Variants in CLASP1 observed in about 807,000 individuals in gnomAD.
CLASP1 encodes cytoplasmic linker associated protein 1.
A neutral mutation model predicts 192.3 loss-of-function variants in CLASP1; 38 were observed. The observed-to-expected ratio is 0.20, with a 90% CI of 0.15 to 0.26. The LOEUF (loss-of-function observed/expected upper bound fraction) is 0.26, where lower values mean the gene tolerates loss of function less well. CLASP1 is among the 10% of genes least tolerant of loss of function. The probability of loss-of-function intolerance (pLI) is 1.00; values close to 1 mark genes in which losing one functional copy is unlikely to be tolerated. For missense variants in CLASP1, 1,433 were observed against 1,932.5 expected (o/e 0.74, Z 4.85); for synonymous variants, 691 against 712.8 (o/e 0.97, Z 0.49).
chr2:121,592,475 C>G (rs1390360783), intron 2 of CLASP1, among the ~76,000 whole-genome samples: 1 of 152,122 alleles, frequency 6.6e-6, no homozygotes, highest in African/African-American at 2.4e-5. Context: ...TTTGTGATAA[C>G]TATCAAAATA....
At chr2:121,509,094 C>T (rs1372392702) in intron 7 of CLASP1, among the ~76,000 whole-genome samples, 2 of 152,188 alleles carry the variant, frequency 1.3e-5, no homozygotes, top group Admixed American at 6.5e-5. Context: ...GAAAGAGGAT[C>T]AACCAGAAAA....
intron 1 of CLASP1, among the ~76,000 whole-genome samples, chr2:121,626,889 G>A (rs1194585780): frequency 2.0e-5 from 3 of 152,110 alleles, no homozygotes; most frequent in Admixed American, 6.6e-5. Context: ...CCACCATAAT[G>A]TTCTCAAAAT....
intron 17 of CLASP1, 64 bp from the exon 18 acceptor site, chr2:121,448,389 T>C: frequency 7.7e-7 from 1 of 1,302,460 alleles, no homozygotes; most frequent in Non-Finnish European, 1.1e-6. Context: ...AAATACAAAC[T>C]ACAACAGGAA....
At chr2:121,377,101 C>T (rs557118928) in intron 34 of CLASP1, among the ~76,000 whole-genome samples, 1 of 152,340 alleles carries the variant, frequency 6.6e-6, no homozygotes, top group Admixed American at 6.5e-5. Context: ...AAACTATCTT[C>T]CACAAAACCA....
intron 2 of CLASP1, among the ~76,000 whole-genome samples, chr2:121,590,292 G>A (rs1559701160): frequency 6.6e-6 from 1 of 152,176 alleles, no homozygotes; most frequent in Non-Finnish European, 1.5e-5. Context: ...ACACAAGAGG[G>A]CAGAAACACG....
chr2:121,339,037 T>C (rs1409800950), exon 40 of CLASP1: 1 of 152,388 alleles, frequency 6.6e-6, no homozygotes, highest in Non-Finnish European at 1.5e-5. Context: ...TCGTCAGTAA[T>C]ACCCAACCCC....
intron 1 of CLASP1, among the ~76,000 whole-genome samples, chr2:121,608,747 C>A (rs1249915756): frequency 6.6e-6 from 1 of 152,102 alleles, no homozygotes; most frequent in African/African-American, 2.4e-5. Context: ...GGTTACAGAG[C>A]AATAGATAAC....
chr2:121,478,373 G>A (rs1196155699), intron 8 of CLASP1, among the ~76,000 whole-genome samples: 1 of 152,106 alleles, frequency 6.6e-6, no homozygotes, highest in African/African-American at 2.4e-5. Flanking sequence ...GGCCAAGGCG[G>A]GCGGACTGCC....
intron 38 of CLASP1, among the ~76,000 whole-genome samples, chr2:121,347,690 T>C (rs763597470): frequency 9.9e-5 from 15 of 152,208 alleles, no homozygotes; most frequent in Non-Finnish European, 1.8e-4. Context: ...TCTGTCGGCC[T>C]CATCCTGGCC....
rs1267643908 is a variant in CLASP1 at position 121,476,209 on chromosome 2, G to A, written c.713-6249C>T. Among the ~76,000 whole-genome samples, 3 of 152,198 alleles carry A rather than the reference G, an allele frequency of 2.0e-5. No homozygotes were observed. In the East Asian group the frequency reaches 5.8e-4, roughly 29 times the overall value. Reference sequence around the variant, plus strand: ...CTACTACTGAGGTCCAGATGCTGCAGAGAGGCTGAGGGATAGCCAGGGCCA... The same window carrying A: ...CTACTACTGAGGTCCAGATGCTGCAAAGAGGCTGAGGGATAGCCAGGGCCA... On this transcript the variant is annotated intron_variant, in intron 8 of 39. Transcript: ENST00000263710.
intron 37 of CLASP1, among the ~76,000 whole-genome samples, chr2:121,357,466 G>A (rs1336400081): frequency 6.6e-6 from 1 of 152,112 alleles, no homozygotes; most frequent in Non-Finnish European, 1.5e-5. Context: ...GAGTGTCTAT[G>A]ACTTGTCCAC....
chr2:121,578,553 C>A (rs1576176244), intron 2 of CLASP1, among the ~76,000 whole-genome samples: 1 of 151,290 alleles, frequency 6.6e-6, no homozygotes, highest in African/African-American at 2.4e-5. Context: ...CACGGTGAAA[C>A]CCCATCTCTA....
intron 30 of CLASP1, among the ~76,000 whole-genome samples, chr2:121,389,402 T>C (rs1461906992): frequency 6.6e-6 from 1 of 152,174 alleles, no homozygotes; most frequent in Non-Finnish European, 1.5e-5. Flanking sequence ...TTATTTGATA[T>C]GCATATTTGC....
chr2:121,490,399 G>C (rs747188488), intron 8 of CLASP1: 2 of 357,498 alleles, frequency 5.6e-6, no homozygotes, highest in African/African-American at 2.2e-5. Context: ...AGTGTGATCC[G>C]GCAGCACCAA....
At position 121,389,992 on chromosome 2, in the gene CLASP1, A is replaced by G. The variant is rs189685158; in HGVS notation, c.3124-2086T>C. On this transcript the variant is annotated intron_variant, in intron 30 of 39. Transcript: ENST00000263710. ...GTGCTCCAAGCAATCCTACTGCCTC[A>G]GTCTCTGGAGTAGCTGGGATTATAG... Among the ~76,000 whole-genome samples the G allele has an allele frequency of 3.0e-3, 452 of 152,320 alleles. 3 individuals are homozygous for G. Among genetic ancestry groups the G allele is most frequent in the Non-Finnish European group, 4.5e-3 (308 of 68,016 alleles).
chr2:121,439,631 G>A (rs984689465), intron 19 of CLASP1, among the ~76,000 whole-genome samples: 1 of 151,920 alleles, frequency 6.6e-6, no homozygotes, highest in Non-Finnish European at 1.5e-5. Context: ...ATAGTTGAGC[G>A]GTTTTGAGTT....
chr2:121,620,413 A>G (rs1412418082), intron 1 of CLASP1, among the ~76,000 whole-genome samples: 1 of 151,652 alleles, frequency 6.6e-6, no homozygotes, highest in African/African-American at 2.4e-5. Context: ...GCAGTGGCGC[A>G]ATCTTGGCTC....
intron 30 of CLASP1, 29 bp from the exon 32 acceptor site, chr2:121,387,935 G>A (rs2073610196): frequency 5.8e-6 from 9 of 1,559,622 alleles, no homozygotes; most frequent in Non-Finnish European, 7.9e-6. Context: ...ATTAATTTAT[G>A]TAATGTACAA....
At chr2:121,614,877 G>A (rs1369267807) in intron 1 of CLASP1, among the ~76,000 whole-genome samples, 4 of 152,176 alleles carry the variant, frequency 2.6e-5, no homozygotes, top group African/African-American at 9.7e-5. Flanking sequence ...TGTATAACTA[G>A]TAGATTTAAC....
Sources: allele counts gnomAD v4.1 joint callset (sites outside exome capture counted in the v4.1 genomes callset), GRCh38; gene constraint gnomAD v4.1.1; transcripts MANE v1.5; gene names NCBI Gene and HGNC (gene_info 2026-07-23, HGNC 2026-07-21).